PDE6D: variants seen among roughly 807,000 people sequenced by gnomAD.
PDE6D encodes phosphodiesterase 6D.
In PDE6D, 10 loss-of-function variants were observed where a neutral mutation model predicts 21.9. The ratio of observed to expected loss-of-function variants is 0.46; its 90% CI spans 0.28 to 0.78. The LOEUF (loss-of-function observed/expected upper bound fraction) is 0.78, where lower values mean the gene tolerates loss of function less well. Among genes scored for constraint, PDE6D ranks in the 30% least tolerant of loss-of-function variants. PDE6D has a pLI of 0.12. For synonymous variants in PDE6D, 59 were observed against 63.5 expected (o/e 0.93, Z 0.34); for missense variants, 139 against 184.8 (o/e 0.75, Z 1.44).
intron 1 of PDE6D, among the ~76,000 whole-genome samples, chr2:231,767,572 C>T (rs941605667): frequency 6.6e-6 from 1 of 152,076 alleles, no homozygotes; most frequent in Non-Finnish European, 1.5e-5. Context: ...GCCTTGGCCT[C>T]CCAAAGTGCT....
chr2:231,767,011 A>AAAAAAAAAAAAC, intron 1 of PDE6D, among the ~76,000 whole-genome samples: 1 of 151,242 alleles, frequency 6.6e-6, no homozygotes, highest in Non-Finnish European at 1.5e-5. Flanking sequence ...AAAAAAAAAA[A>AAAAAAAAAAAAC]AAAAAAAGCT....
At chr2:231,766,321 TC>T (rs1449338977) in intron 1 of PDE6D, among the ~76,000 whole-genome samples, 2 of 152,186 alleles carry the variant, frequency 1.3e-5, no homozygotes, top group Non-Finnish European at 2.9e-5. Flanking sequence ...CACAGTCTTC[TC>T]CCTAGCAAAG....
chr2:231,757,299 G>A (rs959259327), intron 1 of PDE6D, among the ~76,000 whole-genome samples: 5 of 150,188 alleles, frequency 3.3e-5, no homozygotes, highest in African/African-American at 9.8e-5. Flanking sequence ...AGTATTAAAC[G>A]ATTTATTTTT....
chr2:231,760,970 C>T (rs2048920175), intron 1 of PDE6D, among the ~76,000 whole-genome samples: 1 of 152,030 alleles, frequency 6.6e-6, no homozygotes, highest in South Asian at 2.1e-4. Context: ...AGATCTAATA[C>T]CAGTTGAGTG....
intron 1 of PDE6D, among the ~76,000 whole-genome samples, chr2:231,746,785 G>A (rs1321959005): frequency 6.6e-6 from 1 of 152,114 alleles, no homozygotes; most frequent in Non-Finnish European, 1.5e-5. Context: ...GAGAGACACA[G>A]GGACGGAGTG....
At chr2:231,745,547 T>C (rs1441364764) in intron 1 of PDE6D, among the ~76,000 whole-genome samples, 1 of 152,178 alleles carries the variant, frequency 6.6e-6, no homozygotes, top group Non-Finnish European at 1.5e-5. Context: ...GGAACATTCC[T>C]TTCCTATGGG....
chr2:231,763,011 A>T (rs1559328293), intron 1 of PDE6D, among the ~76,000 whole-genome samples: 1 of 152,184 alleles, frequency 6.6e-6, no homozygotes, highest in East Asian at 1.9e-4. Flanking sequence ...GCAACATGGA[A>T]AAATGCACTG....
intron 1 of PDE6D, among the ~76,000 whole-genome samples, chr2:231,758,708 C>A (rs1247799823): frequency 6.6e-6 from 1 of 152,112 alleles, no homozygotes; most frequent in East Asian, 1.9e-4. Context: ...GACCCTTGAG[C>A]AAAAGGTGAT....
intron 1 of PDE6D, among the ~76,000 whole-genome samples, chr2:231,760,393 C>T (rs2048916747): frequency 6.6e-6 from 1 of 152,016 alleles, no homozygotes; most frequent in South Asian, 2.1e-4. Context: ...TAAATTAATC[C>T]ACATAACCCT....
At chr2:231,773,136 G>T (rs1364427302) in intron 1 of PDE6D, among the ~76,000 whole-genome samples, 3 of 152,200 alleles carry the variant, frequency 2.0e-5, no homozygotes, top group African/African-American at 7.2e-5. Flanking sequence ...CAGGCACTCA[G>T]GAGGGTGAGG....
chr2:231,758,936 T>C (rs2048904433), intron 1 of PDE6D, among the ~76,000 whole-genome samples: 1 of 151,838 alleles, frequency 6.6e-6, no homozygotes, highest in Non-Finnish European at 1.5e-5. Context: ...AAGAAAAAAA[T>C]TATAGCCACT....
At position 231,747,214 on chromosome 2, in the gene PDE6D, C is replaced by T. The variant is rs555222303; in HGVS notation, c.51-8026G>A. On this transcript the variant is annotated intron_variant, in intron 1 of 4. Coordinates refer to ENST00000287600, the MANE Select transcript of PDE6D (RefSeq NM_002601.4). The stretch of plus-strand genomic sequence containing the variant: ...CAAGCGATTCTCCTGTCTTAGCCTC[C>T]TGAGTAGCTGGGATTACAGGCATGC... Among the ~76,000 whole-genome samples, 3 of 152,314 alleles carry T rather than the reference C, an allele frequency of 2.0e-5. No homozygotes were observed. In the East Asian group the frequency reaches 5.8e-4, roughly 29 times the overall value.
intron 1 of PDE6D, among the ~76,000 whole-genome samples, chr2:231,780,671 G>C (rs2106293169): frequency 6.6e-6 from 1 of 152,214 alleles, no homozygotes; most frequent in South Asian, 2.1e-4. Flanking sequence ...TCTAGGCTTC[G>C]AGATCAGCCC....
intron 1 of PDE6D, among the ~76,000 whole-genome samples, chr2:231,772,371 A>G (rs1268251968): frequency 1.3e-5 from 2 of 152,208 alleles, no homozygotes; most frequent in Non-Finnish European, 2.9e-5. Context: ...CTTTAGTCCA[A>G]TCCATTGAAA....
chr2:231,733,838 C>T (rs2048671442), intron 4 of PDE6D, among the ~76,000 whole-genome samples: 1 of 151,844 alleles, frequency 6.6e-6, no homozygotes, highest in South Asian at 2.1e-4. Flanking sequence ...TCTCGGTGCT[C>T]CCATTTGTAA....
intron 1 of PDE6D, chr2:231,778,859 C>G (rs1027714230): frequency 6.6e-6 from 1 of 152,114 alleles, no homozygotes; most frequent in African/African-American, 2.4e-5. Flanking sequence ...AAAAGACTGA[C>G]CTAGTCAACG....
intron 1 of PDE6D, among the ~76,000 whole-genome samples, chr2:231,772,177 G>C (rs1212680868): frequency 8.0e-5 from 12 of 150,424 alleles, no homozygotes; most frequent in Non-Finnish European, 1.5e-4. Flanking sequence ...CATATCTCTT[G>C]TCCAACTCTT....
intron 1 of PDE6D, among the ~76,000 whole-genome samples, chr2:231,761,912 A>AGAAAGGCTCCAGG (rs1334712354): frequency 6.6e-6 from 1 of 152,218 alleles, no homozygotes; most frequent in African/African-American, 2.4e-5. Flanking sequence ...CCTTGGGAAC[A>AGAAAGGCTCCAGG]GAAAGGCTCC....
intron 1 of PDE6D, among the ~76,000 whole-genome samples, chr2:231,770,329 C>A (rs930032536): frequency 6.6e-6 from 1 of 152,160 alleles, no homozygotes; most frequent in Non-Finnish European, 1.5e-5. Context: ...AATATATCCA[C>A]CTGCTGCTTA....
Sources: allele counts gnomAD v4.1 joint callset (sites outside exome capture counted in the v4.1 genomes callset), GRCh38; gene constraint gnomAD v4.1.1; transcripts MANE v1.5; gene names NCBI Gene and HGNC (gene_info 2026-07-23, HGNC 2026-07-21).